The following PPFIA2 variants were observed in gnomAD, a reference collection of about 807,000 sequenced individuals.
The protein encoded by PPFIA2 is PPFI scaffold protein A2.
In PPFIA2, 46 loss-of-function variants were observed where a neutral mutation model predicts 175.5. The ratio of observed to expected loss-of-function variants is 0.26; its 90% CI spans 0.21 to 0.34. The LOEUF (loss-of-function observed/expected upper bound fraction) is 0.34, where lower values mean the gene tolerates loss of function less well. Ranked by LOEUF, PPFIA2 falls within the 10% of genes least tolerant of loss-of-function variation. The pLI is 1.00. For synonymous variants in PPFIA2, 568 were observed against 511.4 expected (o/e 1.11, Z -1.49); for missense variants, 1,179 against 1,506.1 (o/e 0.78, Z 3.60).
intron 7 of PPFIA2, among the ~76,000 whole-genome samples, chr12:81,411,375 T>C (rs2043934448): frequency 1.3e-5 from 2 of 152,066 alleles, no homozygotes; most frequent in Non-Finnish European, 2.9e-5. Context: ...TATTTGTGTT[T>C]TCTGGTTGCT....
chr12:81,296,636 T>C (rs1019292110), intron 23 of PPFIA2: 4 of 152,084 alleles, frequency 2.6e-5, no homozygotes, highest in Admixed American at 2.6e-4. Context: ...ATAAACAGAT[T>C]GAACAAAGGA....
intron 4 of PPFIA2, among the ~76,000 whole-genome samples, chr12:81,485,362 C>A (rs2058699484): frequency 1.3e-5 from 2 of 151,456 alleles, no homozygotes; most frequent in African/African-American, 4.8e-5. Context: ...TATAATTATT[C>A]TTACATATTA....
chr12:81,497,556 T>TTTTTTTTTTTTTTTTTG (rs1567072879), intron 4 of PPFIA2, among the ~76,000 whole-genome samples: 1 of 142,014 alleles, frequency 7.0e-6, no homozygotes, highest in Non-Finnish European at 1.5e-5. Flanking sequence ...TTTTTTTTTT[T>TTTTTTTTTTTTTTTTTG]GGGGCAGAGT....
At chr12:81,728,429 A>AT (rs2080387545) in intron 3 of PPFIA2, among the ~76,000 whole-genome samples, 1 of 151,356 alleles carries the variant, frequency 6.6e-6, no homozygotes, top group Non-Finnish European at 1.5e-5. Context: ...ACTTTCAATC[A>AT]TTTATGTTTC....
At chr12:81,749,667 G>C (rs567966719) in intron 3 of PPFIA2, among the ~76,000 whole-genome samples, 1 of 143,786 alleles carries the variant, frequency 7.0e-6, no homozygotes, top group South Asian at 2.3e-4. Context: ...TTAGCATTCT[G>C]GATAAAACAA....
chr12:81,432,858 T>C (rs2048341388), intron 7 of PPFIA2, among the ~76,000 whole-genome samples: 1 of 152,164 alleles, frequency 6.6e-6, no homozygotes, highest in African/African-American at 2.4e-5. Context: ...TTTGTTAAAG[T>C]ACCATGATTA....
At chr12:81,470,805 C>A (rs969690114) in intron 4 of PPFIA2, among the ~76,000 whole-genome samples, 3 of 152,096 alleles carry the variant, frequency 2.0e-5, no homozygotes, top group East Asian at 1.9e-4. Context: ...GTACACAATA[C>A]CTAAATTGTA....
At chr12:81,365,524 A>G (rs949305218) in intron 14 of PPFIA2, among the ~76,000 whole-genome samples, 9 of 151,720 alleles carry the variant, frequency 5.9e-5, no homozygotes, top group African/African-American at 1.4e-4. Context: ...TTTGGATAAC[A>G]TAACATGCAT....
At chr12:81,448,016 A>C (rs1462378355) in intron 5 of PPFIA2, among the ~76,000 whole-genome samples, 1 of 151,992 alleles carries the variant, frequency 6.6e-6, no homozygotes, top group African/African-American at 2.4e-5. Flanking sequence ...TTTTTTTCTA[A>C]TTGTAAATTA....
At chr12:81,667,509 T>C (rs2070575704) in intron 4 of PPFIA2, among the ~76,000 whole-genome samples, 1 of 152,066 alleles carries the variant, frequency 6.6e-6, no homozygotes, top group African/African-American at 2.4e-5. Flanking sequence ...CTCCCCATCA[T>C]TAATAACTAA....
intron 16 of PPFIA2, among the ~76,000 whole-genome samples, chr12:81,356,278 T>C (rs943548567): frequency 6.6e-6 from 1 of 152,176 alleles, no homozygotes; most frequent in Non-Finnish European, 1.5e-5. Flanking sequence ...GCATGGTTCA[T>C]GGTGTACCCA....
chr12:81,635,638 A>G (rs2063899582), intron 4 of PPFIA2, among the ~76,000 whole-genome samples: 1 of 152,098 alleles, frequency 6.6e-6, no homozygotes, highest in Non-Finnish European at 1.5e-5. Flanking sequence ...GCTGGCTTTC[A>G]TTGGGGACTC....
intron 2 of PPFIA2, 27 bp downstream of exon 2, chr12:81,758,373 A>C (rs763980361): frequency 2.2e-6 from 1 of 456,428 alleles, no homozygotes; most frequent in South Asian, 1.5e-5. Context: ...GAAAGGAGAC[A>C]GTAAAACTCA....
At chr12:81,288,918 G>A (rs1371472780) in intron 24 of PPFIA2, among the ~76,000 whole-genome samples, 2 of 151,686 alleles carry the variant, frequency 1.3e-5, no homozygotes, top group Admixed American at 6.6e-5. Flanking sequence ...TATGAGGTAA[G>A]TAATAATGAA....
chr12:81,302,720 T>TA (rs1269853389), intron 22 of PPFIA2: 10 of 451,822 alleles, frequency 2.2e-5, no homozygotes, highest in Non-Finnish European at 3.6e-5. Flanking sequence ...AACAATTATT[T>TA]AAAAAAGAAC....
chr12:81,488,091 T>C (rs771662050), intron 4 of PPFIA2, among the ~76,000 whole-genome samples: 2 of 152,052 alleles, frequency 1.3e-5, no homozygotes, highest in Non-Finnish European at 2.9e-5. Flanking sequence ...GTAACATTAC[T>C]ATACATAACA....
At chr12:81,390,100 C>T (rs1424361257) in intron 8 of PPFIA2, among the ~76,000 whole-genome samples, 5 of 152,084 alleles carry the variant, frequency 3.3e-5, no homozygotes, top group South Asian at 4.1e-4. Flanking sequence ...GTTCAAGTAC[C>T]GTAGCATGTT....
chr12:81,416,507 A>T (rs1231691658), intron 7 of PPFIA2, among the ~76,000 whole-genome samples: 1 of 151,692 alleles, frequency 6.6e-6, no homozygotes, highest in Non-Finnish European at 1.5e-5. Context: ...ACCAAGGAAG[A>T]TGCTATTGCT....
chr12:81,441,734 G>A (rs1473264137), intron 6 of PPFIA2, among the ~76,000 whole-genome samples: 1 of 151,960 alleles, frequency 6.6e-6, no homozygotes. Context: ...TTCAACAGAC[G>A]TGTGATGTTT....
Sources: gnomAD v4.1 joint callset for allele counts (sites outside exome capture counted in the v4.1 genomes callset) on GRCh38, gnomAD v4.1.1 for gene constraint, MANE v1.5 for transcripts, NCBI Gene and HGNC (gene_info 2026-07-23, HGNC 2026-07-21) for gene names.